The following WDFY4 variants were observed in gnomAD, a reference collection of about 807,000 sequenced individuals.
WDFY4 encodes the protein WDFY family member 4.
In WDFY4, 169 loss-of-function variants were observed where a neutral mutation model predicts 351.9. The ratio of observed to expected loss-of-function variants is 0.48; its 90% CI spans 0.42 to 0.55. WDFY4 has a LOEUF of 0.55. WDFY4 is among the 20% of genes least tolerant of loss of function. The pLI, the probability that WDFY4 is intolerant of heterozygous loss-of-function variation, is 0.00. For missense variants in WDFY4, 3,803 were observed against 3,935.6 expected, an observed-to-expected ratio of 0.97 and a Z score of 0.90; for synonymous variants, 1,622 against 1,574.6, an observed-to-expected ratio of 1.03 and a Z score of -0.71.
At chr10:48,892,731 G>A (rs1836877015) in intron 44 of WDFY4, among the ~76,000 whole-genome samples, 1 of 152,202 alleles carries the variant, frequency 6.6e-6, no homozygotes, top group African/African-American at 2.4e-5. Flanking sequence ...ATGGAATTGA[G>A]TCAGTTGCAC....
intron 51 of WDFY4, among the ~76,000 whole-genome samples, chr10:48,954,592 C>A (rs1484188899): frequency 6.6e-6 from 1 of 152,176 alleles, no homozygotes; most frequent in South Asian, 2.1e-4. Flanking sequence ...TCTTCTCTTT[C>A]TTTCCTCCTT....
chr10:48,860,120 A>C (rs572134646), intron 39 of WDFY4, among the ~76,000 whole-genome samples: 1 of 152,204 alleles, frequency 6.6e-6, no homozygotes, highest in African/African-American at 2.4e-5. Context: ...TGTAAATTCT[A>C]TCTCTTCAAA....
chr10:48,812,887 T>C (rs562751898), intron 30 of WDFY4, among the ~76,000 whole-genome samples: 1 of 152,330 alleles, frequency 6.6e-6, no homozygotes, highest in East Asian at 1.9e-4. Flanking sequence ...CCCACCCTGC[T>C]GCCCTTACTC....
At chr10:48,925,937 T>C (rs1480210819) in intron 47 of WDFY4, among the ~76,000 whole-genome samples, 1 of 152,210 alleles carries the variant, frequency 6.6e-6, no homozygotes, top group African/African-American at 2.4e-5. Context: ...ATATTTTTAC[T>C]ATAAGAGAAT....
At chr10:48,920,958 T>C (rs567180766) in intron 47 of WDFY4, among the ~76,000 whole-genome samples, 1 of 152,172 alleles carries the variant, frequency 6.6e-6, no homozygotes, top group Non-Finnish European at 1.5e-5. Context: ...ATATGCAGGA[T>C]TTTTATAATG....
chr10:48,972,270 T>A (rs900005488), intron 57 of WDFY4, among the ~76,000 whole-genome samples: 2 of 152,194 alleles, frequency 1.3e-5, no homozygotes, highest in Non-Finnish European at 2.9e-5. Context: ...CTGAAGAGCC[T>A]CACAGGCGGT....
chr10:48,920,815 G>A (rs951895416), intron 47 of WDFY4, among the ~76,000 whole-genome samples: 11 of 152,154 alleles, frequency 7.2e-5, no homozygotes, highest in South Asian at 4.1e-4. Flanking sequence ...CAAGGCCATA[G>A]GATACAAGGT....
At chr10:48,891,520 A>T (rs532247869) in intron 44 of WDFY4, among the ~76,000 whole-genome samples, 29 of 152,304 alleles carry the variant, frequency 1.9e-4, no homozygotes, top group African/African-American at 6.3e-4. Context: ...TTGGATGAAG[A>T]GTTCTTCGTG....
At chr10:48,929,086 C>G (rs1375055425) in intron 47 of WDFY4, among the ~76,000 whole-genome samples, 1 of 152,096 alleles carries the variant, frequency 6.6e-6, no homozygotes, top group African/African-American at 2.4e-5. Flanking sequence ...AGGGGGAGGC[C>G]AGGAGGGCCA....
chr10:48,796,214 G>T, intron 23 of WDFY4, 84 bp from the exon 24 acceptor site: 1 of 1,443,942 alleles, frequency 6.9e-7, no homozygotes, highest in East Asian at 2.5e-5. Context: ...CAGAAGGTTT[G>T]CAGACTGGAC....
At chr10:48,710,065 G>C (rs1400988659) in intron 2 of WDFY4, 99 bp downstream of exon 2, 2 of 1,159,180 alleles carry the variant, frequency 1.7e-6, no homozygotes, top group African/African-American at 3.1e-5. Flanking sequence ...GTCATCCCAA[G>C]TGGACTCTGA....
chr10:48,726,226 C>T (rs7919355), intron 6 of WDFY4, among the ~76,000 whole-genome samples, 156 bp downstream of exon 6: 44,174 of 152,154 alleles, frequency 0.29, 7,915 homozygotes, highest in Non-Finnish European at 0.39. Flanking sequence ...GAATGAGCAG[C>T]CATGTCCGGT....
intron 47 of WDFY4, among the ~76,000 whole-genome samples, chr10:48,917,985 G>A (rs180800335): frequency 6.6e-6 from 1 of 152,238 alleles, no homozygotes; most frequent in Admixed American, 6.5e-5. Context: ...TGGTGGTAAG[G>A]GTTTTACACT....
intron 39 of WDFY4, among the ~76,000 whole-genome samples, chr10:48,851,238 G>C (rs11101534): frequency 0.13 from 19,510 of 152,186 alleles, 1,375 homozygotes; most frequent in Middle Eastern, 0.21. Flanking sequence ...ACTGGGGGCA[G>C]CCGTTGGTGA....
intron 40 of WDFY4, 76 bp from the exon 41 acceptor site, chr10:48,873,415 C>G (rs2069861185): frequency 1.2e-5 from 17 of 1,444,044 alleles, no homozygotes; most frequent in Non-Finnish European, 1.6e-5. Flanking sequence ...GCTTATTCAC[C>G]CCAGGAGGTT....
rs1383329789 is a variant in WDFY4 at position 48,982,908 on chromosome 10, AATT to A, written c.*337_*339del. The stretch of plus-strand genomic sequence containing the variant: ...AAAAAAAGATGGGTCGCTTACTGGA[AATT>A]ATTGTATTGTCTTTATTTTATTAAA... On this transcript the variant is annotated 3_prime_UTR_variant, in exon 62 of 62. Transcript: ENST00000325239. 2.6e-5 allele frequency: 10 copies of A among 379,660 alleles called. No homozygotes were observed. The highest frequency in any genetic ancestry group is 5.2e-6 in the Non-Finnish European group (1 of 192,946). The allele number at this position is 379,660 out of a possible 1,614,324, so 23.5% of individuals were successfully genotyped here.
At chr10:48,731,654 G>GA in intron 9 of WDFY4, 92 bp downstream of exon 9, 1 of 1,380,064 alleles carries the variant, frequency 7.2e-7, no homozygotes, top group Non-Finnish European at 9.7e-7. Flanking sequence ...AAATGCAACA[G>GA]AAAGTGAGCA....
At chr10:48,938,110 GC>G (rs1479743347) in intron 47 of WDFY4, among the ~76,000 whole-genome samples, 2 of 152,220 alleles carry the variant, frequency 1.3e-5, no homozygotes, top group African/African-American at 4.8e-5. Flanking sequence ...GCTTGCGTAT[GC>G]CTAGTGCTTC....
intron 54 of WDFY4, among the ~76,000 whole-genome samples, chr10:48,964,259 A>G (rs939674846): frequency 6.6e-6 from 1 of 152,214 alleles, no homozygotes; most frequent in Non-Finnish European, 1.5e-5. Flanking sequence ...AAACTAGTGA[A>G]AGTTGTGTTT....
Sources: allele counts gnomAD v4.1 joint callset (sites outside exome capture counted in the v4.1 genomes callset), GRCh38; gene constraint gnomAD v4.1.1; transcripts MANE v1.5; gene names NCBI Gene and HGNC (gene_info 2026-07-23, HGNC 2026-07-21).